SH3RF1: variants seen among roughly 807,000 people sequenced by gnomAD.
SH3RF1 encodes the protein E3 ubiquitin-protein ligase SH3RF1.
In SH3RF1, 32 loss-of-function variants were observed where a neutral mutation model predicts 74.0. That is an observed-to-expected ratio of 0.43 (90% confidence interval 0.33 to 0.58). The LOEUF is 0.58. SH3RF1 is among the 20% of genes least tolerant of loss of function. The pLI is 0.05. For missense variants in SH3RF1, 954 were observed against 1,130.9 expected, an observed-to-expected ratio of 0.84 and a Z score of 2.24; for synonymous variants, 396 against 439.6, an observed-to-expected ratio of 0.90 and a Z score of 1.24.
chr4:169,240,323 G>C (rs956185050), intron 2 of SH3RF1, among the ~76,000 whole-genome samples: 7 of 151,644 alleles, frequency 4.6e-5, no homozygotes, highest in Admixed American at 1.3e-4. Context: ...AGCCTCCTGA[G>C]GTAGCTGGGA....
chr4:169,266,379 G>A (rs1333174789), intron 2 of SH3RF1, among the ~76,000 whole-genome samples: 1 of 152,144 alleles, frequency 6.6e-6, no homozygotes, highest in Non-Finnish European at 1.5e-5. Context: ...CTTAAGGGAG[G>A]AGGATGCACA....
chr4:169,256,148 T>C (rs1378233033), intron 2 of SH3RF1, among the ~76,000 whole-genome samples: 1 of 152,170 alleles, frequency 6.6e-6, no homozygotes, highest in Non-Finnish European at 1.5e-5. Context: ...TCTAAGTCTT[T>C]AGTAATATGC....
At chr4:169,141,352 T>TA (rs1315100359) in intron 4 of SH3RF1, among the ~76,000 whole-genome samples, 6 of 152,252 alleles carry the variant, frequency 3.9e-5, no homozygotes. Flanking sequence ...GATAGGCTGA[T>TA]AGCATGGTAT....
chr4:169,216,659 A>T (rs1269485273), intron 2 of SH3RF1, among the ~76,000 whole-genome samples: 1 of 152,176 alleles, frequency 6.6e-6, no homozygotes, highest in Non-Finnish European at 1.5e-5. Flanking sequence ...TAGGTGATGA[A>T]GTGAGACCCC....
chr4:169,252,962 C>T (rs1024796538), intron 2 of SH3RF1, among the ~76,000 whole-genome samples: 4 of 152,000 alleles, frequency 2.6e-5, no homozygotes, highest in Admixed American at 2.6e-4. Flanking sequence ...GACCTGATAC[C>T]ATGAAACTGG....
intron 2 of SH3RF1, among the ~76,000 whole-genome samples, chr4:169,206,213 A>C (rs1730254576): frequency 6.6e-6 from 1 of 152,240 alleles, no homozygotes; most frequent in Non-Finnish European, 1.5e-5. Context: ...CACTGCTATA[A>C]ATGACAGCAC....
intron 2 of SH3RF1, among the ~76,000 whole-genome samples, chr4:169,181,477 G>A (rs956329601): frequency 1.3e-5 from 2 of 151,770 alleles, no homozygotes; most frequent in Non-Finnish European, 2.9e-5. Flanking sequence ...TGGCCAGGAT[G>A]GTCTCGATCT....
At chr4:169,099,291 ATTG>A (rs541267986) in intron 11 of SH3RF1, among the ~76,000 whole-genome samples, 325 of 152,216 alleles carry the variant, frequency 2.1e-3, no homozygotes, top group African/African-American at 7.6e-3. Flanking sequence ...ATCTCACTAT[ATTG>A]CCCAGGCTGG....
At chr4:169,210,036 T>A (rs1730332636) in intron 2 of SH3RF1, among the ~76,000 whole-genome samples, 1 of 152,194 alleles carries the variant, frequency 6.6e-6, no homozygotes, top group African/African-American at 2.4e-5. Context: ...GCTCAAGCAA[T>A]ATGCCTGTCT....
At chr4:169,165,644 G>A (rs926275640) in intron 2 of SH3RF1, among the ~76,000 whole-genome samples, 1 of 151,920 alleles carries the variant, frequency 6.6e-6, no homozygotes, top group African/African-American at 2.4e-5. Flanking sequence ...AGGCGGGGGG[G>A]GGAGTCAGGT....
At chr4:169,114,610 T>C (rs1214546329) in intron 10 of SH3RF1, among the ~76,000 whole-genome samples, 3 of 152,186 alleles carry the variant, frequency 2.0e-5, no homozygotes, top group Non-Finnish European at 1.5e-5. Context: ...TTCTTATCAG[T>C]GGCAAGGGCT....
At chr4:169,197,964 C>T (rs569531643) in intron 2 of SH3RF1, among the ~76,000 whole-genome samples, 1 of 152,306 alleles carries the variant, frequency 6.6e-6, no homozygotes, top group Admixed American at 6.5e-5. Flanking sequence ...TACACTTGCT[C>T]AGACTGCCAA....
intron 2 of SH3RF1, among the ~76,000 whole-genome samples, chr4:169,221,748 C>T (rs1417647986): frequency 1.3e-5 from 2 of 152,116 alleles, no homozygotes; most frequent in African/African-American, 4.8e-5. Flanking sequence ...ATCTTTTACC[C>T]CATAAAATTT....
chr4:169,144,677 A>C (rs1271122600), intron 4 of SH3RF1, among the ~76,000 whole-genome samples: 11 of 152,270 alleles, frequency 7.2e-5, no homozygotes, highest in African/African-American at 2.4e-4. Flanking sequence ...CCAACAGAGA[A>C]TGGCAGGCAC....
intron 11 of SH3RF1, among the ~76,000 whole-genome samples, chr4:169,099,091 C>T (rs1732975818): frequency 6.6e-6 from 1 of 152,066 alleles, no homozygotes; most frequent in Non-Finnish European, 1.5e-5. Flanking sequence ...TTTTGGAATC[C>T]CTTCTTTGAT....
At chr4:169,116,956 G>A (rs965749039) in intron 9 of SH3RF1, among the ~76,000 whole-genome samples, 3 of 152,154 alleles carry the variant, frequency 2.0e-5, no homozygotes, top group African/African-American at 4.8e-5. Context: ...AGTGTCAAGC[G>A]ATGTCTCCCT....
chr4:169,267,681 T>C (rs1392267173), intron 2 of SH3RF1, among the ~76,000 whole-genome samples: 1 of 152,208 alleles, frequency 6.6e-6, no homozygotes, highest in Admixed American at 6.5e-5. Flanking sequence ...CTTCCTATCA[T>C]TTACAAAAGA....
intron 2 of SH3RF1, among the ~76,000 whole-genome samples, chr4:169,173,955 T>C (rs1301829289): frequency 6.6e-6 from 1 of 152,028 alleles, no homozygotes; most frequent in Non-Finnish European, 1.5e-5. Flanking sequence ...TACCTGACTT[T>C]AAGGATACGG....
Position 169,270,936 on chromosome 4 carries a change from C to G in SH3RF1, c.-173G>C, listed in dbSNP as rs1731441647. 6.6e-6 allele frequency: 1 copy of G among 152,242 alleles called. No individual in the cohort carries two copies. Among genetic ancestry groups the G allele is most frequent in the African/African-American group, 2.4e-5 (1 of 41,414 alleles). 9.4% of individuals were successfully genotyped at this position (152,242 alleles called of 1,614,324 possible). On this transcript the variant is annotated 5_prime_UTR_variant, in exon 1 of 12. Transcript: ENST00000284637. Reference sequence around the variant, plus strand: ...CTGATGCAGATGCGGCCCCACCGCGCTCGCCGCTCGCAGTGTCTCTGACGC... The same window carrying G: ...CTGATGCAGATGCGGCCCCACCGCGGTCGCCGCTCGCAGTGTCTCTGACGC...
Sources: gnomAD v4.1 joint callset for allele counts (sites outside exome capture counted in the v4.1 genomes callset) on GRCh38, gnomAD v4.1.1 for gene constraint, MANE v1.5 for transcripts, NCBI Gene and HGNC (gene_info 2026-07-23, HGNC 2026-07-21) for gene names.